Variants in GLRA2 observed in about 807,000 individuals in gnomAD.
GLRA2 encodes glycine receptor alpha 2, also known as glycine receptor subunit alpha-2.
A neutral mutation model predicts 31.6 loss-of-function variants in GLRA2; 11 were observed. The observed-to-expected ratio is 0.35, with a 90% CI of 0.22 to 0.58. The LOEUF (loss-of-function observed/expected upper bound fraction) is 0.58, where lower values mean the gene tolerates loss of function less well. Among genes scored for constraint, GLRA2 ranks in the 20% least tolerant of loss-of-function variants. GLRA2 has a pLI of 0.84. For synonymous variants in GLRA2, 132 were observed against 134.0 expected, an observed-to-expected ratio of 0.99 and a Z score of 0.10; for missense variants, 212 against 351.8, an observed-to-expected ratio of 0.60 and a Z score of 3.18.
the GLRA2 span, among the ~76,000 whole-genome samples, chrX:14,516,553 G>C: frequency 9.0e-6 from 1 of 111,267 alleles, no homozygotes; most frequent in Non-Finnish European, 1.9e-5. Context: ...TGATGCCCCA[G>C]TGAACCGTAC....
the GLRA2 span, among the ~76,000 whole-genome samples, chrX:14,498,478 T>C: frequency 2.7e-5 from 3 of 110,804 alleles, no homozygotes; most frequent in Admixed American, 9.6e-5. Context: ...ACATTTTTAT[T>C]TTTAAATTTT....
At chrX:14,473,686 C>A in the GLRA2 span, among the ~76,000 whole-genome samples, 1 of 111,842 alleles carries the variant, frequency 8.9e-6, no homozygotes, top group East Asian at 2.8e-4. Context: ...TGTTGGCTCC[C>A]ACTTTAGAAT....
chrX:14,455,178 T>C, the GLRA2 span, among the ~76,000 whole-genome samples: 1 of 111,819 alleles, frequency 8.9e-6, no homozygotes, highest in Non-Finnish European at 1.9e-5. Context: ...AAACTTGCTT[T>C]GTAAAATGAA....
intron 4 of GLRA2, among the ~76,000 whole-genome samples, chrX:14,595,399 A>T (rs990397580): frequency 9.0e-6 from 1 of 111,588 alleles, no homozygotes; most frequent in Non-Finnish European, 1.9e-5. Flanking sequence ...TAATTTTTCA[A>T]ACTTTGATTA....
chrX:14,520,410 A>T, the GLRA2 span, among the ~76,000 whole-genome samples: 1 of 112,397 alleles, frequency 8.9e-6, no homozygotes, highest in Non-Finnish European at 1.9e-5. Context: ...TCTCCAAATT[A>T]CTGTTTGTCC....
the GLRA2 span, among the ~76,000 whole-genome samples, chrX:14,486,892 A>G: frequency 1.8e-5 from 2 of 111,692 alleles, no homozygotes; most frequent in East Asian, 2.8e-4. Flanking sequence ...TTAGGAATGC[A>G]TACCAAAATA....
intron 8 of GLRA2, among the ~76,000 whole-genome samples, chrX:14,714,182 CA>C (rs1873552943): frequency 9.1e-6 from 1 of 110,407 alleles, no homozygotes; most frequent in Non-Finnish European, 1.9e-5. Flanking sequence ...CTAGAATATT[CA>C]GACTTTCCAC....
intron 7 of GLRA2, among the ~76,000 whole-genome samples, chrX:14,642,474 T>A (rs757399602): frequency 1.8e-5 from 2 of 111,858 alleles, no homozygotes; most frequent in South Asian, 3.7e-4. Flanking sequence ...TGCCTGTCCT[T>A]CTTCTGCTGA....
At chrX:14,509,727 G>A in the GLRA2 span, among the ~76,000 whole-genome samples, 2 of 112,386 alleles carry the variant, frequency 1.8e-5, no homozygotes, top group Non-Finnish European at 3.8e-5. Context: ...TTCAAATCCA[G>A]CTCCTAACTA....
the GLRA2 span, among the ~76,000 whole-genome samples, chrX:14,455,967 T>A: frequency 9.0e-6 from 1 of 111,454 alleles, no homozygotes; most frequent in Admixed American, 9.6e-5. Context: ...TTATCTGATT[T>A]TCATATCAGA....
chrX:14,501,562 G>C, the GLRA2 span, among the ~76,000 whole-genome samples: 1 of 111,313 alleles, frequency 9.0e-6, no homozygotes, highest in African/African-American at 3.3e-5. Context: ...TTTGGCTCAA[G>C]ATCCAGCAAC....
At chrX:14,510,648 A>G in the GLRA2 span, among the ~76,000 whole-genome samples, 1 of 111,780 alleles carries the variant, frequency 8.9e-6, no homozygotes, top group Non-Finnish European at 1.9e-5. Context: ...GTGAAGGGAC[A>G]TATTCCTGGG....
intron 7 of GLRA2, among the ~76,000 whole-genome samples, chrX:14,618,789 C>T (rs1436832229): frequency 5.4e-5 from 6 of 111,337 alleles, no homozygotes; most frequent in African/African-American, 2.0e-4. Context: ...GAGATGAGGC[C>T]CCCGTTCCTT....
At chrX:14,521,973 T>C in the GLRA2 span, among the ~76,000 whole-genome samples, 20 of 111,851 alleles carry the variant, frequency 1.8e-4, no homozygotes, top group African/African-American at 6.2e-4. Context: ...TTGCTGAAGG[T>C]TGGGTTGGCT....
intron 8 of GLRA2, among the ~76,000 whole-genome samples, chrX:14,729,193 T>C (rs1040419316): frequency 8.9e-6 from 1 of 112,243 alleles, no homozygotes; most frequent in Non-Finnish European, 1.9e-5. Flanking sequence ...TTGGGAAACA[T>C]AACCATTATT....
chrX:14,611,253 T>C (rs2090393755), intron 7 of GLRA2, among the ~76,000 whole-genome samples: 1 of 113,011 alleles, frequency 8.8e-6, no homozygotes, highest in South Asian at 3.6e-4. Flanking sequence ...ACTGTGGTGA[T>C]TGTACATTTA....
chrX:14,465,797 C>T, the GLRA2 span, among the ~76,000 whole-genome samples: 1 of 111,851 alleles, frequency 8.9e-6, no homozygotes, highest in African/African-American at 3.2e-5. Context: ...TTGTCTTGAT[C>T]ACAATAAGTA....
chrX:14,487,168 T>C, the GLRA2 span, among the ~76,000 whole-genome samples: 2 of 110,146 alleles, frequency 1.8e-5, no homozygotes, highest in Non-Finnish European at 3.8e-5. Flanking sequence ...AATATGGTAG[T>C]CAACAGACAC....
At chrX:14,681,902 A>AT (rs1241052925) in intron 7 of GLRA2, among the ~76,000 whole-genome samples, 1 of 37,657 alleles carries the variant, frequency 2.7e-5, no homozygotes, top group African/African-American at 8.3e-5. Flanking sequence ...AAAAAAAAAA[A>AT]AAAAAAAAAT....
Sources: gnomAD v4.1 joint callset for allele counts (sites outside exome capture counted in the v4.1 genomes callset) on GRCh38, gnomAD v4.1.1 for gene constraint, MANE v1.5 for transcripts, NCBI Gene and HGNC (gene_info 2026-07-23, HGNC 2026-07-21) for gene names.